Variants in CDH2 observed in about 807,000 individuals in gnomAD.
CDH2 encodes cadherin 2, also known as cadherin-2.
A neutral mutation model predicts 92.0 loss-of-function variants in CDH2; 17 were observed. The observed-to-expected ratio is 0.18, with a 90% confidence interval of 0.13 to 0.28. The LOEUF (loss-of-function observed/expected upper bound fraction) is 0.28, where lower values mean the gene tolerates loss of function less well. Ranked by LOEUF, CDH2 falls within the 10% of genes least tolerant of loss-of-function variation. The pLI, the probability that CDH2 is intolerant of heterozygous loss-of-function variation, is 1.00. For missense variants in CDH2, 862 were observed against 1,133.1 expected, an observed-to-expected ratio of 0.76 and a Z score of 3.44; for synonymous variants, 419 against 415.9, an observed-to-expected ratio of 1.01 and a Z score of -0.09.
In CDH2 at chr18:28,000,391, C is replaced by T. The variant is rs116032840; in HGVS notation, c.1020+2606G>A. ...TGCTGTGATTACAGGTATGAGCCAC[C>T]GTGCCTGGCCTGAATGCTTTATGTG... On this transcript the variant is annotated intron_variant, in intron 7 of 15. Transcript: ENST00000269141. Among the ~76,000 whole-genome samples the T allele has an allele frequency of 7.7e-3, 1,170 of 152,266 alleles. 15 individuals are homozygous for T. The highest frequency in any genetic ancestry group is 0.026 in the African/African-American group (1,096 of 41,554).
chr18:28,027,971 G>C (rs540962358), intron 2 of CDH2, among the ~76,000 whole-genome samples: 1 of 151,730 alleles, frequency 6.6e-6, no homozygotes, highest in African/African-American at 2.4e-5. Flanking sequence ...ATCATTATTA[G>C]TCTCTGAAAT....
At chr18:27,975,129 G>T (rs992378306) in intron 14 of CDH2, among the ~76,000 whole-genome samples, 1 of 152,166 alleles carries the variant, frequency 6.6e-6, no homozygotes, top group Non-Finnish European at 1.5e-5. Context: ...TGAGCCTAAG[G>T]GGTGCTGGGC....
chr18:28,026,701 T>A (rs2013562612), intron 2 of CDH2, among the ~76,000 whole-genome samples: 1 of 152,174 alleles, frequency 6.6e-6, no homozygotes, highest in South Asian at 2.1e-4. Context: ...AGCAGCCACA[T>A]TAAAAACTAA....
At chr18:28,048,714 G>A (rs1420358297) in intron 2 of CDH2, among the ~76,000 whole-genome samples, 5 of 152,200 alleles carry the variant, frequency 3.3e-5, no homozygotes, top group Admixed American at 1.3e-4. Context: ...TGCTGATCCC[G>A]TAACTAAATG....
intron 6 of CDH2, among the ~76,000 whole-genome samples, chr18:27,943,930 T>C (rs1909203686): frequency 6.6e-6 from 1 of 152,156 alleles, no homozygotes; most frequent in Non-Finnish European, 1.5e-5. Context: ...GTGAAAAAAC[T>C]GTGGGACAAA....
chr18:28,000,402 T>G (rs2012729090), intron 7 of CDH2, among the ~76,000 whole-genome samples: 1 of 152,188 alleles, frequency 6.6e-6, no homozygotes, highest in Admixed American at 6.5e-5. Flanking sequence ...GTGCCTGGCC[T>G]GAATGCTTTA....
rs201357908 is a variant in CDH2, at chr18:28,013,667, T to C, written c.399+16A>G. The C allele has an allele frequency of 1.3e-5, 20 of 1,585,390 alleles. No individual in the cohort carries two copies. The highest frequency in any genetic ancestry group is 1.6e-5 in the Non-Finnish European group (19 of 1,153,828). On this transcript the variant is annotated intron_variant, in intron 3 of 15. Coordinates refer to ENST00000269141, the MANE Select transcript of CDH2 (RefSeq NM_001792.5). ...TGATTTTTAACCAGCCCTAAAGCCA[T>C]ATTCGGATACTATACCTTCACTGAC... is the stretch of plus-strand genomic sequence containing the variant.
intron 2 of CDH2, among the ~76,000 whole-genome samples, chr18:28,070,582 G>A (rs1018638182): frequency 1.3e-5 from 2 of 152,186 alleles, no homozygotes; most frequent in Non-Finnish European, 2.9e-5. Context: ...CATACAACTA[G>A]CCTGTCCTCC....
chr18:28,152,451 G>A (rs1598511833), intron 1 of CDH2, among the ~76,000 whole-genome samples: 1 of 152,182 alleles, frequency 6.6e-6, no homozygotes, highest in African/African-American at 2.4e-5. Flanking sequence ...GCCCAGGGCA[G>A]GGAATCTGGG....
intron 2 of CDH2, among the ~76,000 whole-genome samples, chr18:28,053,894 G>A (rs753111728): frequency 4.6e-5 from 7 of 151,934 alleles, no homozygotes; most frequent in Non-Finnish European, 7.4e-5. Context: ...TCTTTCTTAC[G>A]GGCTCCCGAG....
chr18:27,961,330 A>T (rs547964981), intron 15 of CDH2, among the ~76,000 whole-genome samples: 34 of 151,888 alleles, frequency 2.2e-4, no homozygotes, highest in African/African-American at 7.5e-4. Context: ...GAGATAACTC[A>T]CATACTGAGT....
At chr18:28,066,987 AC>A (rs1435822407) in intron 2 of CDH2, among the ~76,000 whole-genome samples, 1 of 152,176 alleles carries the variant, frequency 6.6e-6, no homozygotes, top group African/African-American at 2.4e-5. Flanking sequence ...ACCTATAAAA[AC>A]AAAACTTCAT....
intron 14 of CDH2, among the ~76,000 whole-genome samples, chr18:27,971,957 C>T (rs1233489601): frequency 6.6e-6 from 1 of 152,106 alleles, no homozygotes; most frequent in African/African-American, 2.4e-5. Flanking sequence ...ACTTAAAGTC[C>T]GATAGTTGGG....
intron 2 of CDH2, among the ~76,000 whole-genome samples, chr18:28,038,259 C>G (rs2013876585): frequency 6.6e-6 from 1 of 151,948 alleles, no homozygotes; most frequent in Non-Finnish European, 1.5e-5. Flanking sequence ...TCCGTATCTA[C>G]CAAAAATACA....
chr18:28,007,728 G>GT (rs1002578727), intron 5 of CDH2, among the ~76,000 whole-genome samples: 7 of 150,772 alleles, frequency 4.6e-5, no homozygotes, highest in African/African-American at 7.3e-5. Context: ...TTTTGTTTTT[G>GT]TTTTTTTTGT....
intron 2 of CDH2, among the ~76,000 whole-genome samples, chr18:28,046,899 T>C (rs1333586490): frequency 1.3e-5 from 2 of 152,244 alleles, no homozygotes; most frequent in African/African-American, 4.8e-5. Flanking sequence ...ACTGATTAAC[T>C]GGAAGTAAAT....
At chr18:28,133,581 C>CAA (rs765999292) in intron 2 of CDH2, among the ~76,000 whole-genome samples, 3,233 of 45,572 alleles carry the variant, frequency 0.071, 150 homozygotes, top group African/African-American at 0.089. Flanking sequence ...GACTCTGTCT[C>CAA]AAAAAAAAAA....
chr18:28,140,599 G>A (rs1309939258), intron 2 of CDH2, among the ~76,000 whole-genome samples: 3 of 151,830 alleles, frequency 2.0e-5, no homozygotes, highest in South Asian at 2.1e-4. Flanking sequence ...AAGGAAGCAG[G>A]CCCTCACCAG....
At chr18:27,969,346 C>T (rs570660822) in intron 14 of CDH2, among the ~76,000 whole-genome samples, 1 of 152,264 alleles carries the variant, frequency 6.6e-6, no homozygotes, top group East Asian at 1.9e-4. Flanking sequence ...ACTGAGTCCC[C>T]ACTAAAAGGG....
Sources: gnomAD v4.1 joint callset for allele counts (sites outside exome capture counted in the v4.1 genomes callset) on GRCh38, gnomAD v4.1.1 for gene constraint, MANE v1.5 for transcripts, NCBI Gene and HGNC (gene_info 2026-07-23, HGNC 2026-07-21) for gene names.